Variants in MAML2 observed in about 807,000 individuals in gnomAD.
MAML2 encodes mastermind like transcriptional coactivator 2, also known as mastermind-like protein 2.
Under a neutral mutation model 96.1 loss-of-function variants are expected in MAML2, and 22 were observed. The ratio of observed to expected loss-of-function variants is 0.23; its 90% CI spans 0.16 to 0.33. The LOEUF is 0.33. Among genes scored for constraint, MAML2 ranks in the 10% least tolerant of loss-of-function variants. MAML2 has a pLI of 1.00. For synonymous variants in MAML2, 561 were observed against 521.3 expected, an observed-to-expected ratio of 1.08 and a Z score of -1.04; for missense variants, 1,367 against 1,392.4, an observed-to-expected ratio of 0.98 and a Z score of 0.29.
intron 1 of MAML2, among the ~76,000 whole-genome samples, chr11:96,193,546 A>G (rs1316452426): frequency 6.6e-6 from 1 of 152,226 alleles, no homozygotes; most frequent in Non-Finnish European, 1.5e-5. Flanking sequence ...CTTTAGCTCC[A>G]GAAATAAGAA....
chr11:96,026,531 G>A (rs771815064), intron 2 of MAML2, among the ~76,000 whole-genome samples: 14 of 152,190 alleles, frequency 9.2e-5, no homozygotes, highest in South Asian at 4.2e-4. Context: ...TCCTTCAGAG[G>A]TGATTCACAT....
At position 96,086,884 on chromosome 11, in the gene MAML2, A is replaced by G. The variant is rs548786974; in HGVS notation, c.2139+5008T>C. Among the ~76,000 whole-genome samples, 7 of 152,260 alleles carry G rather than the reference A, an allele frequency of 4.6e-5. No individual in the cohort carries two copies. In the South Asian group the frequency reaches 1.4e-3, roughly 32 times the overall value. On this transcript the variant is annotated intron_variant, in intron 2 of 4. Coordinates refer to ENST00000524717, the MANE Select transcript of MAML2 (RefSeq NM_032427.4). ...AAGATCCCTCCCTACATTCGAATTGACCTAAATTTTTCCCGAGGTGGTGAT... is the reference window on the plus strand; with the variant it reads ...AAGATCCCTCCCTACATTCGAATTGGCCTAAATTTTTCCCGAGGTGGTGAT...
chr11:95,998,957 T>C (rs1388182940), intron 2 of MAML2, among the ~76,000 whole-genome samples: 5 of 152,194 alleles, frequency 3.3e-5, no homozygotes, highest in African/African-American at 1.2e-4. Context: ...GGGAGACAAT[T>C]AGGAGAACAC....
At chr11:96,216,809 C>A (rs544600600) in intron 1 of MAML2, among the ~76,000 whole-genome samples, 1 of 152,248 alleles carries the variant, frequency 6.6e-6, no homozygotes, top group African/African-American at 2.4e-5. Context: ...TGGAGCAACA[C>A]GGTGCAGGGG....
chr11:96,209,768 C>T (rs960916215), intron 1 of MAML2, among the ~76,000 whole-genome samples: 5 of 152,060 alleles, frequency 3.3e-5, no homozygotes, highest in Non-Finnish European at 4.4e-5. Flanking sequence ...TTAACAGTGC[C>T]ACGAAACTAT....
intron 1 of MAML2, among the ~76,000 whole-genome samples, chr11:96,248,912 G>C (rs1862547462): frequency 6.6e-6 from 1 of 152,182 alleles, no homozygotes; most frequent in African/African-American, 2.4e-5. Context: ...TTGCAAGCTG[G>C]TTGTTAAACT....
intron 2 of MAML2, among the ~76,000 whole-genome samples, chr11:96,086,715 A>G (rs1007973803): frequency 5.9e-5 from 9 of 152,180 alleles, no homozygotes; most frequent in African/African-American, 2.2e-4. Context: ...CACACAATAA[A>G]TATGTTTTTA....
Position 95,977,977 on chromosome 11 carries a change from C to T in MAML2, c.*971G>A, listed in dbSNP as rs1037284547. 4.5e-6 allele frequency: 1 copy of T among 222,004 alleles called. No individual in the cohort carries two copies. The highest frequency in any genetic ancestry group is 9.0e-6 in the Non-Finnish European group (1 of 111,090). The allele number at this position is 222,004 out of a possible 1,614,324, so 13.8% of individuals were successfully genotyped here. ...TCTAATCTCGGTTTTCTTCTCCAAA[C>T]TTCCTTTTCTTATAAACCAGCCTCA... On this transcript the variant is annotated 3_prime_UTR_variant, in exon 5 of 5. Transcript: ENST00000524717.
At chr11:96,325,170 C>T (rs973158323) in intron 1 of MAML2, among the ~76,000 whole-genome samples, 1 of 151,516 alleles carries the variant, frequency 6.6e-6, no homozygotes, top group South Asian at 2.1e-4. Context: ...AGACATTCAA[C>T]GTCCCCATCT....
intron 1 of MAML2, among the ~76,000 whole-genome samples, chr11:96,168,584 C>A (rs1170432856): frequency 6.6e-6 from 1 of 152,090 alleles, no homozygotes; most frequent in African/African-American, 2.4e-5. Flanking sequence ...TCTAATGAGC[C>A]CCCTGTGGAT....
At chr11:96,067,448 T>C (rs533503688) in intron 2 of MAML2, among the ~76,000 whole-genome samples, 398 of 152,330 alleles carry the variant, frequency 2.6e-3, no homozygotes, top group Non-Finnish European at 4.5e-3. Context: ...ATAACAGTAA[T>C]GTTTCTATTT....
chr11:96,116,977 G>T (rs1339703383), intron 1 of MAML2, among the ~76,000 whole-genome samples: 1 of 152,174 alleles, frequency 6.6e-6, no homozygotes, highest in Non-Finnish European at 1.5e-5. Context: ...AACAAATGAT[G>T]AATTGAATTG....
chr11:96,030,452 G>T, intron 2 of MAML2, among the ~76,000 whole-genome samples: 1 of 151,938 alleles, frequency 6.6e-6, no homozygotes, highest in Non-Finnish European at 1.5e-5. Context: ...CAAATATAAG[G>T]AAAATTGTTA....
chr11:96,061,988 T>G (rs901264398), intron 2 of MAML2, among the ~76,000 whole-genome samples: 1 of 152,172 alleles, frequency 6.6e-6, no homozygotes, highest in South Asian at 2.1e-4. Context: ...TATCATACTA[T>G]GAGAGACGAG....
chr11:96,238,649 T>C (rs1205979723), intron 1 of MAML2, among the ~76,000 whole-genome samples: 1 of 152,222 alleles, frequency 6.6e-6, no homozygotes, highest in Non-Finnish European at 1.5e-5. Flanking sequence ...TGATATGATA[T>C]GTAGAAGTGG....
At chr11:96,226,971 G>T (rs772278513) in intron 1 of MAML2, among the ~76,000 whole-genome samples, 13 of 152,084 alleles carry the variant, frequency 8.5e-5, no homozygotes, top group African/African-American at 2.7e-4. Context: ...AAAATGTTAC[G>T]TTCAATGGAG....
chr11:96,013,734 T>C (rs568477), intron 2 of MAML2, among the ~76,000 whole-genome samples: 89,241 of 152,076 alleles, frequency 0.59, 26,908 homozygotes, highest in East Asian at 0.8. Context: ...GTGGGGCTGT[T>C]GGAGGAGAGC....
intron 1 of MAML2, among the ~76,000 whole-genome samples, chr11:96,326,537 C>G (rs1863784807): frequency 6.6e-6 from 1 of 152,058 alleles, no homozygotes; most frequent in South Asian, 2.1e-4. Context: ...TGGCTCATGC[C>G]TGTAATCCCA....
At chr11:96,208,392 T>A (rs1861923867) in intron 1 of MAML2, among the ~76,000 whole-genome samples, 1 of 152,220 alleles carries the variant, frequency 6.6e-6, no homozygotes, top group African/African-American at 2.4e-5. Flanking sequence ...TACATTCTGC[T>A]CTAATGTTTT....
Sources: gnomAD v4.1 joint callset for allele counts (sites outside exome capture counted in the v4.1 genomes callset) on GRCh38, gnomAD v4.1.1 for gene constraint, MANE v1.5 for transcripts, NCBI Gene and HGNC (gene_info 2026-07-23, HGNC 2026-07-21) for gene names.